Variants in ATAD3B observed in about 807,000 individuals in gnomAD.
The protein encoded by ATAD3B is ATPase family AAA domain containing 3B.
In ATAD3B, 59 loss-of-function variants were observed where a neutral mutation model predicts 70.2. The ratio of observed to expected loss-of-function variants is 0.84; its 90% CI spans 0.68 to 1.04. The LOEUF (loss-of-function observed/expected upper bound fraction) is 1.04, where lower values mean the gene tolerates loss of function less well. Among genes scored for constraint, ATAD3B ranks in the 50% least tolerant of loss-of-function variants. The pLI, the probability that ATAD3B is intolerant of heterozygous loss-of-function variation, is 0.00. For synonymous variants in ATAD3B, 423 were observed against 388.6 expected (o/e 1.09, Z -1.04); for missense variants, 961 against 913.4 (o/e 1.05, Z -0.67).
intron 5 of ATAD3B, among the ~76,000 whole-genome samples, chr1:1,481,176 C>CTTTT (rs1217771354): frequency 9.0e-6 from 1 of 110,640 alleles, no homozygotes; most frequent in African/African-American, 4.1e-5. Context: ...GTACAGGGGC[C>CTTTT]TTTTTTTTTT....
At chr1:1,490,527 G>A (rs1241545959) in intron 14 of ATAD3B, 36 bp from the exon 15 acceptor site, 11 of 1,610,928 alleles carry the variant, frequency 6.8e-6, no homozygotes, top group Admixed American at 3.4e-5. Context: ...TGGGGTCCGC[G>A]GCCTTGGCTG....
chr1:1,479,451 A>G (rs1639781422), intron 4 of ATAD3B, among the ~76,000 whole-genome samples: 1 of 134,866 alleles, frequency 7.4e-6, no homozygotes, highest in South Asian at 2.6e-4. Context: ...CACATGGGGA[A>G]ACATGGGCCC....
In ATAD3B at chr1:1,495,786, C is replaced by T. The variant is rs751625522; in HGVS notation, c.1916C>T (p.Pro639Leu). 57 of 1,597,876 alleles carry T rather than the reference C, an allele frequency of 3.6e-5. No individual in the cohort carries two copies. Among genetic ancestry groups the T allele is most frequent in the East Asian group, 4.5e-5 (2 of 44,766 alleles). ...SPRMSCGGGRPFCPPGHPLL is the reference protein window; with the variant it reads ...SPRMSCGGGRLFCPPGHPLL The stretch of plus-strand genomic sequence containing the variant: ...AGGATGTCTTGTGGTGGCGGTCGGC[C>T]GTTCTGCCCCCCAGGGCACCCCCTG... The change falls in exon 16 of 16, where the codon CCG (proline) becomes CTG (leucine). Residue 639 changes from proline to leucine, a missense_variant. Pro to Leu is a moderately conservative substitution (Grantham distance 98). This residue lies in a region of ATAD3B where 417 missense variants were observed against 335.0 expected (regional missense o/e 1.24). Coordinates refer to ENST00000673477, the MANE Select transcript of ATAD3B (RefSeq NM_031921.6).
intron 2 of ATAD3B, chr1:1,478,283 G>C (rs1213138688): frequency 1.1e-5 from 9 of 839,828 alleles, no homozygotes; most frequent in East Asian, 2.8e-5. Flanking sequence ...AGGCAAGAGC[G>C]ATGGCGCCCG....
At chr1:1,479,798 G>T (rs1423617582) in intron 4 of ATAD3B, among the ~76,000 whole-genome samples, 2 of 131,016 alleles carry the variant, frequency 1.5e-5, no homozygotes, top group Non-Finnish European at 3.2e-5. Flanking sequence ...CGCACACGTG[G>T]GCCCGCTCAC....
chr1:1,477,244 A>G, intron 1 of ATAD3B, 30 bp from the exon 2 acceptor site: 1 of 1,611,150 alleles, frequency 6.2e-7, no homozygotes, highest in Non-Finnish European at 8.5e-7. Flanking sequence ...TGTATCCTAC[A>G]CCTGCTCTCC....
intron 1 of ATAD3B, among the ~76,000 whole-genome samples, chr1:1,472,757 G>C (rs1270820749): frequency 6.6e-6 from 1 of 152,070 alleles, no homozygotes; most frequent in Non-Finnish European, 1.5e-5. Context: ...AAATGGCTAG[G>C]AGTCTGGAAC....
chr1:1,489,481 G>C, intron 13 of ATAD3B: 1 of 1,057,748 alleles, frequency 9.5e-7, no homozygotes, highest in Non-Finnish European at 1.4e-6. Context: ...CAGAGCTGGG[G>C]TCAGTCCTGT....
intron 11 of ATAD3B, among the ~76,000 whole-genome samples, chr1:1,487,432 G>C (rs1640281046): frequency 6.6e-6 from 1 of 150,934 alleles, no homozygotes; most frequent in Non-Finnish European, 1.5e-5. Flanking sequence ...AGCCTGCAGT[G>C]AGCCGAGATT....
intron 2 of ATAD3B, among the ~76,000 whole-genome samples, chr1:1,477,677 T>TTTTTA (rs199892482): frequency 0.038 from 5,658 of 147,940 alleles, 246 homozygotes; most frequent in African/African-American, 0.099. Flanking sequence ...TCAGCAGGAT[T>TTTTTA]TTTTATTTTA....
chr1:1,476,401 T>C lies in ATAD3B; in HGVS notation c.206-873T>C, dbSNP rs932820368. On this transcript the variant is annotated intron_variant, in intron 1 of 15. Coordinates refer to ENST00000673477, the MANE Select transcript of ATAD3B (RefSeq NM_031921.6). ...GTGACGTGTTTGCTGCAGTTGACTC[T>C]GAAGGCTTAAAAAAGTGAGACGGGC... 4.6e-4 allele frequency among the ~76,000 whole-genome samples: 70 copies of C among 151,500 alleles called. 1 individual carries two copies. The highest frequency in any genetic ancestry group is 1.6e-3 in the African/African-American group (66 of 41,166).
At position 1,480,974 on chromosome 1, in the gene ATAD3B, G is replaced by A. The variant is rs367954862; in HGVS notation, c.514+38G>A. On this transcript the variant is annotated intron_variant, in intron 5 of 15. Transcript: ENST00000673477. ...CTCTCCTGGCTGGGGCGGAGGTGGC[G>A]GGGGCTGCTTGTGGATCCGGCGTGC... 2.3e-4 allele frequency: 357 copies of A among 1,583,104 alleles called. 28 individuals are homozygous for A. The highest frequency in any genetic ancestry group is 2.8e-4 in the Non-Finnish European group (330 of 1,169,920).
downstream of ATAD3B, among the ~76,000 whole-genome samples, chr1:1,502,307 C>T (rs1411959938): frequency 2.0e-5 from 3 of 151,406 alleles, no homozygotes; most frequent in Non-Finnish European, 2.9e-5. Flanking sequence ...CTCCGCCTCC[C>T]GGGTTCACGC....
At chr1:1,501,994 T>A (rs1640954770), downstream of ATAD3B, among the ~76,000 whole-genome samples, 2 of 152,168 alleles carry the variant, frequency 1.3e-5, no homozygotes, top group South Asian at 4.1e-4. Context: ...TTCTCCTGGC[T>A]CAGCCTCCCG....
chr1:1,502,732 G>A (rs1208182274), downstream of ATAD3B, among the ~76,000 whole-genome samples: 5 of 131,292 alleles, frequency 3.8e-5, no homozygotes, highest in African/African-American at 5.8e-5. Flanking sequence ...GGCTGGTCGC[G>A]AACTCCTGAG....
At chr1:1,490,989 A>G (rs1381335084) in intron 15 of ATAD3B, among the ~76,000 whole-genome samples, 2 of 152,070 alleles carry the variant, frequency 1.3e-5, no homozygotes, top group Non-Finnish European at 2.9e-5. Flanking sequence ...ATCTTGGCCA[A>G]CAGGCACCTC....
At chr1:1,499,006 C>G (rs1173016177), downstream of ATAD3B, among the ~76,000 whole-genome samples, 1 of 149,458 alleles carries the variant, frequency 6.7e-6, no homozygotes, top group Non-Finnish European at 1.5e-5. Context: ...GAGTCTCATG[C>G]TGTCGCCTAG....
the ATAD3B span, among the ~76,000 whole-genome samples, chr1:1,507,098 A>G: frequency 1.4e-4 from 22 of 152,198 alleles, no homozygotes; most frequent in African/African-American, 5.3e-4. Context: ...GCAGGATTCT[A>G]GGATTTTCTA....
At chr1:1,486,749 C>T (rs993747880) in intron 11 of ATAD3B, 81 bp downstream of exon 11, 33 of 1,482,048 alleles carry the variant, frequency 2.2e-5, no homozygotes, top group Admixed American at 1.6e-4. Context: ...CCAGGTGTCT[C>T]TTGGGGACCC....
Sources: allele counts gnomAD v4.1 joint callset (sites outside exome capture counted in the v4.1 genomes callset), GRCh38; gene constraint gnomAD v4.1.1; regional missense constraint gnomAD v4.1.1; transcripts MANE v1.5; gene names NCBI Gene and HGNC (gene_info 2026-07-23, HGNC 2026-07-21).